PCM1: variants seen among roughly 807,000 people sequenced by gnomAD.
The protein encoded by PCM1 is pericentriolar material 1 protein.
Under a neutral mutation model 241.9 loss-of-function variants are expected in PCM1, and 157 were observed. The observed-to-expected ratio is 0.65, with a 90% confidence interval of 0.57 to 0.74. The LOEUF (loss-of-function observed/expected upper bound fraction) is 0.74, where lower values mean the gene tolerates loss of function less well. PCM1 is among the 30% of genes least tolerant of loss of function. PCM1 has a pLI of 0.00. For synonymous variants in PCM1, 1,085 were observed against 784.9 expected, an observed-to-expected ratio of 1.38 and a Z score of -6.39; for missense variants, 3,478 against 2,360.1, an observed-to-expected ratio of 1.47 and a Z score of -9.81.
intron 18 of PCM1, among the ~76,000 whole-genome samples, chr8:17,965,700 C>T (rs1449561166): frequency 2.6e-5 from 4 of 152,212 alleles, no homozygotes; most frequent in South Asian, 2.1e-4. Flanking sequence ...GAACTTAAAG[C>T]GTGAAGAATG....
chr8:18,014,718 C>G lies in PCM1; in HGVS notation c.5719C>G (p.Arg1907Gly), dbSNP rs373892158. 3.7e-6 allele frequency: 6 copies of G among 1,613,156 alleles called. No homozygotes were observed. The highest frequency in any genetic ancestry group is 1.7e-5 in the Admixed American group (1 of 59,972). The change falls in exon 36 of 39, where the codon CGT becomes GGT. Residue 1907 changes from arginine to glycine, a missense_variant. Arg to Gly is a moderately radical substitution (Grantham distance 125). Coordinates refer to ENST00000325083, the MANE Select transcript of PCM1 (RefSeq NM_006197.4). The part of the protein sequence containing the change: ...STQQPNPLPL[R>G]LPEMEPLVPR... ...TCAACAGCCTAACCCTTTGCCGTTA[C>G]GTTTACCTGAAATGGAACCCTTAGT...
intron 21 of PCM1, among the ~76,000 whole-genome samples, chr8:17,968,762 G>GTGTGTGTGTGTGTGTGTA (rs373502456): frequency 5.1e-5 from 7 of 136,778 alleles, no homozygotes; most frequent in Non-Finnish European, 7.8e-5. Flanking sequence ...GTGTGTGTGT[G>GTGTGTGTGTGTGTGTGTA]TATATATATA....
chr8:17,939,276 G>A (rs187385594), intron 5 of PCM1, among the ~76,000 whole-genome samples: 1 of 152,274 alleles, frequency 6.6e-6, no homozygotes, highest in African/African-American at 2.4e-5. Context: ...AGTAAAGGGG[G>A]ATTGGAAGGA....
At position 17,939,711 on chromosome 8, in the gene PCM1, A is replaced by C; in HGVS notation, c.633A>C (p.Gln211His). Reference protein sequence around the residue: ...ESSQIVSRLVQIRDYITKASS... With the variant: ...ESSQIVSRLVHIRDYITKASS... ...TGCAGATTGTAAGCAGGCTTGTTCA[A>C]ATTCGCGATTATATTACTAAAGCTA... Residue 211 changes from glutamine to histidine, a missense_variant, in exon 6 of 39, where the codon CAA (glutamine) becomes CAC (histidine). Transcript: ENST00000325083. 1 of 1,540,452 alleles carries C rather than the reference A, an allele frequency of 6.5e-7. No individual in the cohort carries two copies. Among genetic ancestry groups the C allele is most frequent in the Middle Eastern group, 1.7e-4 (1 of 5,888 alleles).
At chr8:17,986,158 T>C in intron 26 of PCM1, 71 bp downstream of exon 26, 1 of 1,080,484 alleles carries the variant, frequency 9.3e-7, no homozygotes, top group South Asian at 2.2e-5. Flanking sequence ...AAATAGATTA[T>C]TGTCAAATTG....
chr8:17,995,209 T>G (rs761383015), intron 29 of PCM1, among the ~76,000 whole-genome samples: 3 of 151,500 alleles, frequency 2.0e-5, no homozygotes, highest in Non-Finnish European at 4.4e-5. Context: ...TTGTATATGG[T>G]GAGAGATAGA....
At chr8:17,997,365 A>G (rs1257175545) in intron 29 of PCM1, among the ~76,000 whole-genome samples, 1 of 152,032 alleles carries the variant, frequency 6.6e-6, no homozygotes, top group Non-Finnish European at 1.5e-5. Flanking sequence ...ATGCCTTGAG[A>G]TAGTCTTATT....
intron 38 of PCM1, 55 bp from the exon 39 acceptor site, chr8:18,027,582 T>C (rs3213605): frequency 0.54 from 687,599 of 1,278,852 alleles, 196,167 homozygotes; most frequent in Non-Finnish European, 0.6. Flanking sequence ...AGAACAATGT[T>C]AAATTCTAGT....
At chr8:17,998,951 G>A (rs1033159903) in intron 29 of PCM1, among the ~76,000 whole-genome samples, 3 of 152,014 alleles carry the variant, frequency 2.0e-5, no homozygotes, top group East Asian at 1.9e-4. Flanking sequence ...TGTGACCACC[G>A]GCCCATGAGT....
chr8:18,023,575 T>C (rs2093930042), intron 36 of PCM1, among the ~76,000 whole-genome samples: 2 of 152,224 alleles, frequency 1.3e-5, no homozygotes, highest in African/African-American at 4.8e-5. Flanking sequence ...TTTATGTTAA[T>C]TAGATATTGT....
chr8:18,006,454 T>G, intron 30 of PCM1, 57 bp downstream of exon 30: 1 of 1,256,542 alleles, frequency 8.0e-7, no homozygotes. Flanking sequence ...AGGTTTTTTT[T>G]CGGGGGGTGG....
At chr8:18,017,130 A>G (rs1296794033) in intron 36 of PCM1, among the ~76,000 whole-genome samples, 1 of 151,298 alleles carries the variant, frequency 6.6e-6, no homozygotes. Context: ...ATAGCCCAAA[A>G]GATGCTACAA....
rs180852075 is a variant in PCM1 at position 17,957,803 on chromosome 8, C to T, written c.2040+28C>T. On this transcript the variant is annotated intron_variant, in intron 13 of 38. Coordinates refer to ENST00000325083, the MANE Select transcript of PCM1 (RefSeq NM_006197.4). ...AAATATTGCTTGGTCTTTTAAAAACCTATTTGTCAAATAGTACAGTCTTAA... is the reference window on the plus strand; with the variant it reads ...AAATATTGCTTGGTCTTTTAAAAACTTATTTGTCAAATAGTACAGTCTTAA... 1,540 of 1,483,488 alleles carry T rather than the reference C, an allele frequency of 1.0e-3. 12 individuals carry two copies. The African/African-American group carries it at 0.018, about 18-fold the overall frequency. 91.9% of individuals were successfully genotyped at this position (1,483,488 alleles called of 1,614,324 possible).
In PCM1 at chr8:17,964,554, C is replaced by T; in HGVS notation, c.2655-14C>T. The T allele has an allele frequency of 1.2e-6, 2 of 1,605,270 alleles. No homozygotes were observed. Among genetic ancestry groups the T allele is most frequent in the Non-Finnish European group, 1.7e-6 (2 of 1,173,552 alleles). On this transcript the variant is annotated splice_polypyrimidine_tract_variant and intron_variant, in intron 17 of 38. Transcript: ENST00000325083. Reference sequence around the variant, plus strand: ...CTCCAGAATGACATCTGTTTTATGTCTCTTAATCACTAGAACGATGGCAAC... The same window carrying T: ...CTCCAGAATGACATCTGTTTTATGTTTCTTAATCACTAGAACGATGGCAAC...
chr8:17,999,566 C>G (rs1442322288), intron 29 of PCM1, among the ~76,000 whole-genome samples: 2 of 152,032 alleles, frequency 1.3e-5, no homozygotes, highest in African/African-American at 2.4e-5. Context: ...ACTCCTTGCT[C>G]TCGTCTCCTC....
At chr8:17,995,858 C>A (rs2086515872) in intron 29 of PCM1, among the ~76,000 whole-genome samples, 1 of 151,974 alleles carries the variant, frequency 6.6e-6, no homozygotes. Flanking sequence ...AGAAATGCTA[C>A]TGATTTTTGT....
chr8:17,935,280 A>G (rs2060104181), intron 2 of PCM1, among the ~76,000 whole-genome samples: 3 of 152,232 alleles, frequency 2.0e-5, no homozygotes, highest in African/African-American at 4.8e-5. Context: ...CACTTTTCCT[A>G]CTTTATTGTT....
intron 38 of PCM1, among the ~76,000 whole-genome samples, chr8:18,025,968 T>C (rs920996958): frequency 1.3e-5 from 2 of 151,592 alleles, no homozygotes; most frequent in African/African-American, 4.8e-5. Context: ...ATGGAGACCA[T>C]CCTGGCTAAC....
At chr8:17,979,645 T>C (rs1389541143) in intron 23 of PCM1, among the ~76,000 whole-genome samples, 1 of 152,138 alleles carries the variant, frequency 6.6e-6, no homozygotes, top group African/African-American at 2.4e-5. Context: ...ATCAGAAAGA[T>C]TGAACAAATA....
Sources: gnomAD v4.1 joint callset for allele counts (sites outside exome capture counted in the v4.1 genomes callset) on GRCh38, gnomAD v4.1.1 for gene constraint, MANE v1.5 for transcripts, NCBI Gene and HGNC (gene_info 2026-07-23, HGNC 2026-07-21) for gene names.